PLXDC2: variants seen among roughly 807,000 people sequenced by gnomAD.
The protein encoded by PLXDC2 is plexin domain containing 2, also known as plexin domain-containing protein 2.
In PLXDC2, 40 loss-of-function variants were observed where a neutral mutation model predicts 68.9. The ratio of observed to expected loss-of-function variants is 0.58; its 90% CI spans 0.45 to 0.76. The LOEUF is 0.76. Among genes scored for constraint, PLXDC2 ranks in the 30% least tolerant of loss-of-function variants. The probability of loss-of-function intolerance (pLI) is 0.00; values close to 1 mark genes in which losing one functional copy is unlikely to be tolerated. For missense variants in PLXDC2, 644 were observed against 661.9 expected (o/e 0.97, Z 0.30); for synonymous variants, 243 against 234.2 (o/e 1.04, Z -0.34).
At chr10:20,091,051 G>A (rs1181820429) in intron 4 of PLXDC2, among the ~76,000 whole-genome samples, 8 of 152,020 alleles carry the variant, frequency 5.3e-5, no homozygotes, top group Non-Finnish European at 8.8e-5. Flanking sequence ...TTTAATTACT[G>A]CCAGCCCCCC....
chr10:19,850,242 T>A (rs183543997), intron 1 of PLXDC2, among the ~76,000 whole-genome samples: 1 of 151,776 alleles, frequency 6.6e-6, no homozygotes, highest in Non-Finnish European at 1.5e-5. Flanking sequence ...ATCCCTTATC[T>A]AACCTAGGAG....
At chr10:20,097,688 A>G (rs1163371387) in intron 4 of PLXDC2, among the ~76,000 whole-genome samples, 2 of 152,124 alleles carry the variant, frequency 1.3e-5, no homozygotes, top group African/African-American at 4.8e-5. Context: ...ACACTCAGGT[A>G]GTTTCTGCAA....
At chr10:19,882,456 G>T (rs922080653) in intron 1 of PLXDC2, among the ~76,000 whole-genome samples, 1 of 152,114 alleles carries the variant, frequency 6.6e-6, no homozygotes, top group Admixed American at 6.5e-5. Flanking sequence ...AAAGGAAGAG[G>T]TTAGTGAAGT....
intron 1 of PLXDC2, among the ~76,000 whole-genome samples, chr10:19,948,141 CATTAA>C (rs1025595932): frequency 6.6e-6 from 1 of 152,094 alleles, no homozygotes; most frequent in African/African-American, 2.4e-5. Flanking sequence ...TACAATTCTT[CATTAA>C]ATTAATACCC....
chr10:19,869,363 G>T (rs139904437), intron 1 of PLXDC2, among the ~76,000 whole-genome samples: 10 of 151,396 alleles, frequency 6.6e-5, no homozygotes, highest in African/African-American at 2.4e-4. Context: ...GGCAGAGGTT[G>T]CAATGAGCTG....
intron 6 of PLXDC2, among the ~76,000 whole-genome samples, chr10:20,158,561 G>T (rs1834248756): frequency 6.7e-6 from 1 of 149,976 alleles, no homozygotes. Flanking sequence ...TACTCGGGAG[G>T]CTAAGGCAGG....
intron 2 of PLXDC2, among the ~76,000 whole-genome samples, chr10:20,015,780 A>G (rs1188006224): frequency 6.6e-6 from 1 of 152,120 alleles, no homozygotes; most frequent in African/African-American, 2.4e-5. Context: ...GCAATCTCCA[A>G]TTCTCTCATC....
intron 4 of PLXDC2, among the ~76,000 whole-genome samples, chr10:20,132,680 G>A (rs1833882968): frequency 6.6e-6 from 1 of 151,606 alleles, no homozygotes; most frequent in Non-Finnish European, 1.5e-5. Flanking sequence ...TTTTTGCAGG[G>A]ACTATCTTTT....
At chr10:19,929,162 T>C (rs1371432823) in intron 1 of PLXDC2, among the ~76,000 whole-genome samples, 1 of 151,782 alleles carries the variant, frequency 6.6e-6, no homozygotes, top group Non-Finnish European at 1.5e-5. Context: ...GCGGATTGCA[T>C]GAGGTCAGGA....
chr10:20,134,535 A>G (rs1833908728), intron 4 of PLXDC2, among the ~76,000 whole-genome samples: 1 of 152,074 alleles, frequency 6.6e-6, no homozygotes, highest in South Asian at 2.1e-4. Flanking sequence ...GGGTCTGCAG[A>G]TGCAGGCCTG....
At chr10:19,824,527 C>G (rs563966056) in intron 1 of PLXDC2, among the ~76,000 whole-genome samples, 2 of 152,302 alleles carry the variant, frequency 1.3e-5, no homozygotes, top group African/African-American at 4.8e-5. Flanking sequence ...AGCACATTTT[C>G]CCAAAGCTGT....
rs149362359 is a variant in PLXDC2, at chr10:19,899,118, C to G, written c.112+81927C>G. Among the ~76,000 whole-genome samples, 15 of 152,310 alleles carry G rather than the reference C, an allele frequency of 9.8e-5. No individual in the cohort carries two copies. The East Asian group carries it at 2.9e-3, about 29-fold the overall frequency. On this transcript the variant is annotated intron_variant, in intron 1 of 13. Coordinates refer to ENST00000377252, the MANE Select transcript of PLXDC2 (RefSeq NM_032812.9). ...AGGTAACCATTTTCTTTGCCTGTCTCCTGCTCCTCCTCTTCCACCCTGGCT... is the reference window on the plus strand; with the variant it reads ...AGGTAACCATTTTCTTTGCCTGTCTGCTGCTCCTCCTCTTCCACCCTGGCT...
chr10:20,245,856 G>C (rs571768000), intron 13 of PLXDC2, among the ~76,000 whole-genome samples: 6 of 152,306 alleles, frequency 3.9e-5, no homozygotes, highest in African/African-American at 1.2e-4. Context: ...CTGGGGGGCT[G>C]AAGACTTAGC....
At chr10:20,132,249 T>G (rs1028668771) in intron 4 of PLXDC2, among the ~76,000 whole-genome samples, 1 of 57,216 alleles carries the variant, frequency 1.7e-5, no homozygotes, top group Non-Finnish European at 4.2e-5. Flanking sequence ...CTGTGAAGAC[T>G]TTTATTTGAC....
intron 9 of PLXDC2, among the ~76,000 whole-genome samples, chr10:20,186,399 G>T (rs1327735063): frequency 6.6e-6 from 1 of 151,872 alleles, no homozygotes; most frequent in Non-Finnish European, 1.5e-5. Context: ...TCTTTCTCTA[G>T]AGTGTATTCT....
chr10:19,840,560 A>C (rs570221246), intron 1 of PLXDC2, among the ~76,000 whole-genome samples: 13 of 152,318 alleles, frequency 8.5e-5, no homozygotes, highest in Admixed American at 2.6e-4. Flanking sequence ...TACATTGAAT[A>C]GTAAGCTTTG....
intron 1 of PLXDC2, among the ~76,000 whole-genome samples, chr10:19,855,448 T>C (rs1837194601): frequency 6.6e-6 from 1 of 152,204 alleles, no homozygotes; most frequent in African/African-American, 2.4e-5. Context: ...GGCAATTTAT[T>C]TGAACTGTCT....
chr10:19,873,951 T>C (rs1003559694), intron 1 of PLXDC2, among the ~76,000 whole-genome samples: 3 of 152,156 alleles, frequency 2.0e-5, no homozygotes, highest in Non-Finnish European at 2.9e-5. Context: ...TTCTTTATGT[T>C]GAGGCCAGAT....
rs193092419 is a variant in PLXDC2, at chr10:20,083,820, G to A, written c.541+15581G>A. Among the ~76,000 whole-genome samples, 13 of 152,238 alleles carry A rather than the reference G, an allele frequency of 8.5e-5. 1 individual carries two copies. The highest frequency in any genetic ancestry group is 7.9e-4 in the Admixed American group (12 of 15,286). Reference sequence around the variant, plus strand: ...CTAAAACAAGGGACCCACAACACTAGTTTATTACATTCAAGATTCCTCTGG... The same window carrying A: ...CTAAAACAAGGGACCCACAACACTAATTTATTACATTCAAGATTCCTCTGG... On this transcript the variant is annotated intron_variant, in intron 4 of 13. Coordinates refer to ENST00000377252, the MANE Select transcript of PLXDC2 (RefSeq NM_032812.9).
Sources: allele counts gnomAD v4.1 joint callset (sites outside exome capture counted in the v4.1 genomes callset), GRCh38; gene constraint gnomAD v4.1.1; transcripts MANE v1.5; gene names NCBI Gene and HGNC (gene_info 2026-07-23, HGNC 2026-07-21).